GABBR2: variants seen among roughly 807,000 people sequenced by gnomAD.
The protein encoded by GABBR2 is G-protein coupled receptor 51.
Under a neutral mutation model 105.6 loss-of-function variants are expected in GABBR2, and 23 were observed. The observed-to-expected ratio is 0.22, with a 90% confidence interval of 0.16 to 0.31. The LOEUF is 0.31. Among genes scored for constraint, GABBR2 ranks in the 10% least tolerant of loss-of-function variants. The pLI is 1.00. For synonymous variants in GABBR2, 478 were observed against 499.7 expected, an observed-to-expected ratio of 0.96 and a Z score of 0.58; for missense variants, 734 against 1,245.5, an observed-to-expected ratio of 0.59 and a Z score of 6.18.
intron 6 of GABBR2, among the ~76,000 whole-genome samples, chr9:98,464,589 C>T (rs1171659133): frequency 1.3e-5 from 2 of 152,120 alleles, no homozygotes; most frequent in Non-Finnish European, 2.9e-5. Flanking sequence ...CCAAGCCGCC[C>T]CGTCTGGGAA....
chr9:98,436,336 AC>A (rs1564068111), intron 7 of GABBR2, among the ~76,000 whole-genome samples: 4 of 67,050 alleles, frequency 6.0e-5, no homozygotes, highest in East Asian at 1.9e-3. Context: ...ATATATACAC[AC>A]ACACACACAC....
At chr9:98,502,101 C>T (rs1396476011) in intron 3 of GABBR2, among the ~76,000 whole-genome samples, 2 of 152,098 alleles carry the variant, frequency 1.3e-5, no homozygotes, top group South Asian at 2.1e-4. Context: ...CATGGGAGTG[C>T]AGTCTTTATC....
At chr9:98,316,437 C>CCGCT (rs1197986663) in intron 13 of GABBR2, among the ~76,000 whole-genome samples, 1 of 152,228 alleles carries the variant, frequency 6.6e-6, no homozygotes, top group East Asian at 1.9e-4. Context: ...CAGACGTGAG[C>CCGCT]CGCTGCACCC....
chr9:98,369,834 GAGA>G lies in GABBR2; in HGVS notation c.1770+1627_1770+1629del, dbSNP rs375975686. On this transcript the variant is annotated intron_variant, in intron 12 of 18. Coordinates refer to ENST00000259455, the MANE Select transcript of GABBR2 (RefSeq NM_005458.8). ...GGTGTGGTGGGTGGGGAATTGAATT[GAGA>G]AGAAGATTTTTGGTAAGAGGTGTCA... 5.5e-3 allele frequency among the ~76,000 whole-genome samples: 841 copies of G among 152,228 alleles called. 7 individuals are homozygous for G. The highest frequency in any genetic ancestry group is 5.3e-3 in the Non-Finnish European group (363 of 68,000).
At chr9:98,568,971 T>C (rs1324758483) in intron 2 of GABBR2, among the ~76,000 whole-genome samples, 1 of 152,066 alleles carries the variant, frequency 6.6e-6, no homozygotes, top group African/African-American at 2.4e-5. Flanking sequence ...GCTTGGCCCA[T>C]AGTGCATGCC....
intron 1 of GABBR2, among the ~76,000 whole-genome samples, chr9:98,651,886 AT>A (rs1175777539): frequency 2.0e-5 from 3 of 152,194 alleles, no homozygotes; most frequent in Non-Finnish European, 4.4e-5. Flanking sequence ...ATTAATGTTG[AT>A]TTTTTAAAAG....
chr9:98,424,021 T>C (rs1161291393), intron 7 of GABBR2, among the ~76,000 whole-genome samples: 1 of 152,196 alleles, frequency 6.6e-6, no homozygotes, highest in Non-Finnish European at 1.5e-5. Context: ...TTGGTTACTG[T>C]AGCCTTGTAG....
intron 3 of GABBR2, among the ~76,000 whole-genome samples, chr9:98,511,676 C>T (rs1165922501): frequency 3.3e-5 from 5 of 152,192 alleles, no homozygotes; most frequent in African/African-American, 9.6e-5. Context: ...ATAAATACCT[C>T]GACACATACA....
chr9:98,530,526 C>T (rs1026209657), intron 3 of GABBR2, among the ~76,000 whole-genome samples: 1 of 152,198 alleles, frequency 6.6e-6, no homozygotes, highest in African/African-American at 2.4e-5. Flanking sequence ...ACCTGTAATA[C>T]CAGCACTTTG....
At chr9:98,386,413 G>A (rs1832073568) in intron 10 of GABBR2, among the ~76,000 whole-genome samples, 1 of 152,134 alleles carries the variant, frequency 6.6e-6, no homozygotes, top group Non-Finnish European at 1.5e-5. Context: ...CACAAAGACA[G>A]CCACACATGT....
intron 1 of GABBR2, among the ~76,000 whole-genome samples, chr9:98,586,590 G>A (rs186583901): frequency 8.2e-4 from 125 of 152,296 alleles, no homozygotes; most frequent in Admixed American, 3.2e-3. Flanking sequence ...GTGAGCCACC[G>A]TGCCAGCCCC....
At chr9:98,371,357 G>A (rs2131462191) in intron 12 of GABBR2, 107 bp downstream of exon 12, 1 of 677,474 alleles carries the variant, frequency 1.5e-6, no homozygotes, top group South Asian at 1.8e-5. Context: ...ATTGTGTTTA[G>A]CTTGGATCCC....
At chr9:98,437,524 C>G (rs1318004901) in intron 7 of GABBR2, among the ~76,000 whole-genome samples, 1 of 147,004 alleles carries the variant, frequency 6.8e-6, no homozygotes. Flanking sequence ...CACATCCACT[C>G]CTCTATATCC....
At chr9:98,578,167 T>C in intron 1 of GABBR2, 95 bp from the exon 2 acceptor site, 1 of 1,381,968 alleles carries the variant, frequency 7.2e-7, no homozygotes, top group Admixed American at 1.8e-5. Flanking sequence ...CATGGAAACC[T>C]TCTGGGTTTC....
intron 1 of GABBR2, among the ~76,000 whole-genome samples, chr9:98,648,132 G>GTGTGTGTGTGTGTGTGTGT (rs1564140835): frequency 1.1e-5 from 1 of 93,962 alleles, no homozygotes; most frequent in African/African-American, 4.1e-5. Context: ...TAGATAGATA[G>GTGTGTGTGTGTGTGTGTGT]ATAGATAGAT....
intron 7 of GABBR2, among the ~76,000 whole-genome samples, chr9:98,431,000 T>C (rs1328447464): frequency 6.6e-6 from 1 of 151,720 alleles, no homozygotes; most frequent in Non-Finnish European, 1.5e-5. Flanking sequence ...TACTCCTCCA[T>C]CTTGGTTGGA....
At chr9:98,608,052 T>C (rs1564129542) in intron 1 of GABBR2, 3 of 1,307,086 alleles carry the variant, frequency 2.3e-6, no homozygotes, top group Non-Finnish European at 3.3e-6. Context: ...GAAAGCAAAC[T>C]GGGAAGCTCA....
chr9:98,307,119 C>T (rs189117957), intron 14 of GABBR2, among the ~76,000 whole-genome samples: 2 of 152,244 alleles, frequency 1.3e-5, no homozygotes, highest in Non-Finnish European at 2.9e-5. Context: ...GGAGCCTTAC[C>T]CCAGCCCTAG....
chr9:98,454,271 G>C lies in GABBR2; in HGVS notation c.1000-54C>G. On this transcript the variant is annotated intron_variant, in intron 6 of 18. Transcript: ENST00000259455. This position sits in a 1 kb window ranked among gnomAD's most constrained non-coding sequence, Gnocchi z 4.6. ...CAAGTTATACTCGGCAGGGACATCA[G>C]GTGCCTGATGCCGAGAAGAGCTGCT... 8.2e-7 allele frequency: 1 copy of C among 1,222,972 alleles called. No individual in the cohort carries two copies. Among genetic ancestry groups the C allele is most frequent in the East Asian group, 2.3e-5 (1 of 42,958 alleles). 75.8% of individuals were successfully genotyped at this position (1,222,972 alleles called of 1,614,324 possible).
Sources: gnomAD v4.1 joint callset for allele counts (sites outside exome capture counted in the v4.1 genomes callset) on GRCh38, gnomAD v4.1.1 for gene constraint, Gnocchi (gnomAD v3.1) non-coding constraint, MANE v1.5 for transcripts, NCBI Gene and HGNC (gene_info 2026-07-23, HGNC 2026-07-21) for gene names.